Variants in CSMD1 observed in about 807,000 individuals in gnomAD.
The protein encoded by CSMD1 is CUB and Sushi multiple domains 1, also known as CUB and sushi domain-containing protein 1.
Under a neutral mutation model 417.5 loss-of-function variants are expected in CSMD1, and 213 were observed. That is an observed-to-expected ratio of 0.51 (90% CI 0.46 to 0.57). CSMD1 has a LOEUF of 0.57. Among genes scored for constraint, CSMD1 ranks in the 20% least tolerant of loss-of-function variants. The pLI is 0.00. For synonymous variants in CSMD1, 2,862 were observed against 1,736.8 expected (o/e 1.65, Z -16.11); for missense variants, 6,923 against 4,529.7 (o/e 1.53, Z -15.17).
At chr8:3,890,683 T>C (rs370955527) in intron 5 of CSMD1, among the ~76,000 whole-genome samples, 10 of 151,616 alleles carry the variant, frequency 6.6e-5, no homozygotes, top group African/African-American at 2.4e-4. Flanking sequence ...TTACTCCAAA[T>C]GAGTCCTGCC....
intron 1 of CSMD1, among the ~76,000 whole-genome samples, chr8:4,771,496 T>C (rs1796595439): frequency 6.6e-6 from 1 of 152,250 alleles, no homozygotes; most frequent in African/African-American, 2.4e-5. Context: ...TGCGCAGTTA[T>C]GCTGCATTAC....
At chr8:3,874,496 G>T (rs938543534) in intron 5 of CSMD1, among the ~76,000 whole-genome samples, 10 of 152,120 alleles carry the variant, frequency 6.6e-5, no homozygotes, top group Non-Finnish European at 1.3e-4. Context: ...CTTTTATGAC[G>T]TTGCATTGAA....
chr8:3,692,481 A>T (rs998429183), intron 7 of CSMD1, among the ~76,000 whole-genome samples: 3 of 150,168 alleles, frequency 2.0e-5, no homozygotes, highest in Non-Finnish European at 2.9e-5. Context: ...TCCCTCTGTC[A>T]CCCAGGCTGG....
In CSMD1 at chr8:4,689,929, T is replaced by C. The variant is rs1012326878; in HGVS notation, c.86-52371A>G. Among the ~76,000 whole-genome samples the C allele has an allele frequency of 5.3e-5, 8 of 152,184 alleles. No individual in the cohort carries two copies. The East Asian group carries it at 9.6e-4, about 18-fold the overall frequency. ...CTGTTTTAATACACAGCTACAAATGTTATCACTTTCTCCCCTGCAGGAAGT... is the reference window on the plus strand; with the variant it reads ...CTGTTTTAATACACAGCTACAAATGCTATCACTTTCTCCCCTGCAGGAAGT... On this transcript the variant is annotated intron_variant, in intron 1 of 69. Transcript: ENST00000635120.
At chr8:3,579,880 G>T (rs1388177283) in intron 9 of CSMD1, among the ~76,000 whole-genome samples, 1 of 152,170 alleles carries the variant, frequency 6.6e-6, no homozygotes, top group Non-Finnish European at 1.5e-5. Context: ...GAGGCGGGTG[G>T]ATTACCTGAG....
At chr8:3,975,381 T>C (rs1813363005) in intron 5 of CSMD1, among the ~76,000 whole-genome samples, 1 of 152,182 alleles carries the variant, frequency 6.6e-6, no homozygotes, top group African/African-American at 2.4e-5. Flanking sequence ...TTTTATGATA[T>C]GAGCTACAGT....
chr8:4,771,614 C>T (rs762546628), intron 1 of CSMD1, among the ~76,000 whole-genome samples: 52 of 152,172 alleles, frequency 3.4e-4, no homozygotes, highest in South Asian at 2.1e-4. Context: ...AATGTTGAAA[C>T]GTCCGTGAAT....
intron 51 of CSMD1, among the ~76,000 whole-genome samples, chr8:3,021,453 G>C (rs1052485997): frequency 6.6e-6 from 1 of 152,184 alleles, no homozygotes; most frequent in Non-Finnish European, 1.5e-5. Context: ...ATACACCGAA[G>C]GGAAAGCCTT....
intron 3 of CSMD1, among the ~76,000 whole-genome samples, chr8:4,049,542 T>C (rs1798314714): frequency 6.6e-6 from 1 of 152,068 alleles, no homozygotes; most frequent in African/African-American, 2.4e-5. Flanking sequence ...AGGGCCAACC[T>C]CTTACCTGAC....
chr8:4,892,383 T>C (rs1177494004), intron 1 of CSMD1, among the ~76,000 whole-genome samples: 1 of 151,762 alleles, frequency 6.6e-6, no homozygotes, highest in East Asian at 1.9e-4. Flanking sequence ...CAAGGGGGAG[T>C]TGAGAATCCT....
intron 3 of CSMD1, among the ~76,000 whole-genome samples, chr8:4,247,202 C>T (rs183074861): frequency 3.2e-4 from 48 of 152,290 alleles, no homozygotes; most frequent in African/African-American, 1.1e-3. Context: ...TAGCATTTCT[C>T]TAGAACAATT....
chr8:4,121,669 T>A (rs1802495756), intron 3 of CSMD1, among the ~76,000 whole-genome samples: 1 of 151,900 alleles, frequency 6.6e-6, no homozygotes, highest in Non-Finnish European at 1.5e-5. Flanking sequence ...AGCCAAGATT[T>A]TCTAATTTCA....
chr8:3,729,123 A>G (rs1273230524), intron 6 of CSMD1, among the ~76,000 whole-genome samples: 1 of 152,192 alleles, frequency 6.6e-6, no homozygotes, highest in Non-Finnish European at 1.5e-5. Flanking sequence ...AAAGTAGACA[A>G]CTTTCAGAAA....
chr8:4,037,365 C>T (rs572627896), intron 3 of CSMD1, among the ~76,000 whole-genome samples: 9 of 152,308 alleles, frequency 5.9e-5, no homozygotes, highest in African/African-American at 1.9e-4. Context: ...CTTGCTGTAA[C>T]AGCAATGGCC....
At chr8:4,695,522 T>C (rs1449975595) in intron 1 of CSMD1, among the ~76,000 whole-genome samples, 2 of 152,312 alleles carry the variant, frequency 1.3e-5, no homozygotes, top group Admixed American at 1.3e-4. Flanking sequence ...ACGATTTCAT[T>C]TTTTACAGCA....
intron 2 of CSMD1, among the ~76,000 whole-genome samples, chr8:4,522,344 G>T (rs531810395): frequency 6.6e-6 from 1 of 152,270 alleles, no homozygotes; most frequent in African/African-American, 2.4e-5. Context: ...CAAGCCTCTT[G>T]CTTTTGTTAA....
At chr8:3,752,406 G>C (rs965688806) in intron 6 of CSMD1, among the ~76,000 whole-genome samples, 1 of 152,120 alleles carries the variant, frequency 6.6e-6, no homozygotes, top group African/African-American at 2.4e-5. Context: ...TGTAATCCCA[G>C]CACTTTGGGA....
At chr8:3,587,091 C>T (rs1256262668) in intron 8 of CSMD1, among the ~76,000 whole-genome samples, 1 of 152,206 alleles carries the variant, frequency 6.6e-6, no homozygotes, top group Non-Finnish European at 1.5e-5. Flanking sequence ...TGAGCCACTG[C>T]ACCCACCTGT....
At chr8:3,658,744 C>A (rs1468228619) in intron 7 of CSMD1, among the ~76,000 whole-genome samples, 6 of 152,092 alleles carry the variant, frequency 3.9e-5, no homozygotes, top group Non-Finnish European at 7.4e-5. Flanking sequence ...GATCGTGCCA[C>A]TGAACTTCAG....
Sources: allele counts gnomAD v4.1 joint callset (sites outside exome capture counted in the v4.1 genomes callset), GRCh38; gene constraint gnomAD v4.1.1; transcripts MANE v1.5; gene names NCBI Gene and HGNC (gene_info 2026-07-23, HGNC 2026-07-21).